VRK1: variants seen among roughly 807,000 people sequenced by gnomAD.
The protein encoded by VRK1 is serine/threonine-protein kinase VRK1.
Under a neutral mutation model 57.1 loss-of-function variants are expected in VRK1, and 33 were observed. The observed-to-expected ratio is 0.58, with a 90% CI of 0.44 to 0.77. The LOEUF (loss-of-function observed/expected upper bound fraction) is 0.77. Among genes scored for constraint, VRK1 ranks in the 30% least tolerant of loss-of-function variants. The pLI, the probability that VRK1 is intolerant of heterozygous loss-of-function variation, is 0.00. For synonymous variants in VRK1, 137 were observed against 147.8 expected (o/e 0.93, Z 0.53); for missense variants, 413 against 477.3 (o/e 0.87, Z 1.25).
intron 1 of VRK1, among the ~76,000 whole-genome samples, chr14:96,803,252 A>G (rs566162802): frequency 1.9e-4 from 29 of 149,616 alleles, no homozygotes; most frequent in Admixed American, 4.0e-4. Context: ...GCTCACTGCA[A>G]CCTCCGCCTC....
intron 12 of VRK1, among the ~76,000 whole-genome samples, chr14:96,880,697 C>T (rs970032996): frequency 6.6e-6 from 1 of 152,162 alleles, no homozygotes; most frequent in Admixed American, 6.5e-5. Context: ...TCAGTATATC[C>T]CAGTGCTCTC....
At chr14:96,871,494 C>A (rs1016546681) in intron 11 of VRK1, among the ~76,000 whole-genome samples, 1 of 152,180 alleles carries the variant, frequency 6.6e-6, no homozygotes, top group Non-Finnish European at 1.5e-5. Context: ...ATTTATGGAA[C>A]CCTAAAAGGA....
chr14:96,806,738 A>G (rs1321035883), intron 1 of VRK1, among the ~76,000 whole-genome samples: 1 of 152,186 alleles, frequency 6.6e-6, no homozygotes, highest in East Asian at 1.9e-4. Context: ...TCACTTTGAT[A>G]TACCTGAAGG....
chr14:96,834,775 ATC>A (rs1887150273), intron 2 of VRK1, among the ~76,000 whole-genome samples: 1 of 152,138 alleles, frequency 6.6e-6, no homozygotes, highest in Non-Finnish European at 1.5e-5. Context: ...ACTAGGCTGT[ATC>A]TCTGATTTAT....
chr14:96,809,758 A>T (rs941223572), intron 1 of VRK1, among the ~76,000 whole-genome samples: 1 of 151,682 alleles, frequency 6.6e-6, no homozygotes, highest in Non-Finnish European at 1.5e-5. Context: ...TTTTTAGTAG[A>T]GACAGGGTTT....
intron 4 of VRK1, among the ~76,000 whole-genome samples, chr14:96,846,505 C>T (rs1469920569): frequency 1.3e-5 from 2 of 152,030 alleles, no homozygotes; most frequent in African/African-American, 2.4e-5. Flanking sequence ...GTCCTTCTTC[C>T]ATGTCTCTTA....
intron 3 of VRK1, among the ~76,000 whole-genome samples, chr14:96,843,841 T>C (rs1038622991): frequency 1.3e-5 from 2 of 152,208 alleles, no homozygotes; most frequent in Admixed American, 1.3e-4. Flanking sequence ...TGGAAGTTTA[T>C]TGGATTAGAA....
intron 3 of VRK1, among the ~76,000 whole-genome samples, chr14:96,842,548 C>A (rs912555980): frequency 2.0e-5 from 3 of 152,082 alleles, no homozygotes; most frequent in African/African-American, 7.2e-5. Flanking sequence ...GAAAATACAT[C>A]AAAATGTTTC....
At chr14:96,857,178 TAGAC>T (rs1264490059) in intron 10 of VRK1, among the ~76,000 whole-genome samples, 9 of 152,188 alleles carry the variant, frequency 5.9e-5, no homozygotes, top group Admixed American at 6.6e-5. Context: ...TGGAGGATTT[TAGAC>T]AGTAAACACA....
At chr14:96,876,005 C>T in intron 11 of VRK1, 25 bp from the exon 12 acceptor site, 1 of 1,608,502 alleles carries the variant, frequency 6.2e-7, no homozygotes, top group Non-Finnish European at 8.5e-7. Context: ...ATATCTCTCT[C>T]TCTCTCTTTA....
At position 96,852,953 on chromosome 14, in the gene VRK1, G is replaced by A. The variant is rs1888009342; in HGVS notation, c.483+14G>A. 6.2e-7 allele frequency: 1 copy of A among 1,612,114 alleles called. No homozygotes were observed. The highest frequency in any genetic ancestry group is 8.5e-7 in the Non-Finnish European group (1 of 1,178,732). On this transcript the variant is annotated intron_variant, in intron 6 of 12. Transcript: ENST00000216639. ...AGCTTAAGAATTGTATGTGAGCTATGTTCTTCTTGTTTTTAAAAAATTGTT... is the reference window on the plus strand; with the variant it reads ...AGCTTAAGAATTGTATGTGAGCTATATTCTTCTTGTTTTTAAAAAATTGTT...
intron 12 of VRK1, 31 bp downstream of exon 12, chr14:96,876,151 C>A: frequency 1.2e-6 from 2 of 1,604,772 alleles, no homozygotes; most frequent in South Asian, 2.2e-5. Flanking sequence ...TAGCTGCTTT[C>A]ATAGGTAAAC....
rs45457797 is a variant in VRK1, at chr14:96,876,163, C to G, written c.1159+43C>G. Reference sequence around the variant, plus strand: ...GCCTAGCTGCTTTCATAGGTAAACACAAATTTCATTTCCTCCCATTAGATG... The same window carrying G: ...GCCTAGCTGCTTTCATAGGTAAACAGAAATTTCATTTCCTCCCATTAGATG... On this transcript the variant is annotated intron_variant, in intron 12 of 12. Coordinates refer to ENST00000216639, the MANE Select transcript of VRK1 (RefSeq NM_003384.3). The G allele has an allele frequency of 0.11, 178,640 of 1,590,980 alleles. 11,376 individuals are homozygous for G. The highest frequency in any genetic ancestry group is 0.13 in the Non-Finnish European group (152,434 of 1,159,594).
chr14:96,874,731 A>T (rs1013776100), intron 11 of VRK1, among the ~76,000 whole-genome samples: 4 of 152,218 alleles, frequency 2.6e-5, no homozygotes, highest in Non-Finnish European at 5.9e-5. Context: ...CAGTGGGATT[A>T]ATTGTAATAC....
intron 5 of VRK1, among the ~76,000 whole-genome samples, chr14:96,848,207 C>T (rs553402868): frequency 6.6e-6 from 1 of 152,200 alleles, no homozygotes; most frequent in Admixed American, 6.5e-5. Flanking sequence ...GTGTGGTCGC[C>T]AGGTGGCTGC....
chr14:96,849,724 TC>T (rs776539039), intron 5 of VRK1, among the ~76,000 whole-genome samples: 18 of 152,350 alleles, frequency 1.2e-4, no homozygotes, highest in South Asian at 2.1e-4. Context: ...ATAATTGGTT[TC>T]ATTTGTTTGT....
chr14:96,813,071 G>GT (rs1343857368), intron 1 of VRK1, among the ~76,000 whole-genome samples: 4 of 152,204 alleles, frequency 2.6e-5, no homozygotes, highest in Non-Finnish European at 5.9e-5. Context: ...TGGCAGATAT[G>GT]TTAGATTGAA....
chr14:96,801,116 G>C (rs780475981), intron 1 of VRK1, among the ~76,000 whole-genome samples: 2 of 152,148 alleles, frequency 1.3e-5, no homozygotes, highest in African/African-American at 2.4e-5. Flanking sequence ...AGGACCGTCT[G>C]TCTGGCTGTT....
At chr14:96,809,092 G>T (rs1184694714) in intron 1 of VRK1, among the ~76,000 whole-genome samples, 3 of 151,794 alleles carry the variant, frequency 2.0e-5, no homozygotes, top group Non-Finnish European at 4.4e-5. Context: ...AGAACGTCTA[G>T]AAGACTGGGA....
Sources: gnomAD v4.1 joint callset for allele counts (sites outside exome capture counted in the v4.1 genomes callset) on GRCh38, gnomAD v4.1.1 for gene constraint, MANE v1.5 for transcripts, NCBI Gene and HGNC (gene_info 2026-07-23, HGNC 2026-07-21) for gene names.